Variants in SCG5 observed in about 807,000 individuals in gnomAD.
SCG5 encodes the protein neuroendocrine protein 7B2.
A neutral mutation model predicts 25.7 loss-of-function variants in SCG5; 18 were observed. That is an observed-to-expected ratio of 0.70 (90% CI 0.48 to 1.04). The LOEUF is 1.04. SCG5 is among the 50% of genes least tolerant of loss of function. SCG5 has a pLI of 0.00. For synonymous variants in SCG5, 101 were observed against 91.7 expected, an observed-to-expected ratio of 1.10 and a Z score of -0.58; for missense variants, 206 against 259.8, an observed-to-expected ratio of 0.79 and a Z score of 1.42.
intron 2 of SCG5, chr15:32,656,030 T>C (rs1194572064): frequency 6.6e-6 from 1 of 152,204 alleles, no homozygotes; most frequent in Non-Finnish European, 1.5e-5. Flanking sequence ...ATGGGGGTGT[T>C]GGACATGGAG....
At chr15:32,650,418 A>G (rs928253160) in intron 2 of SCG5, among the ~76,000 whole-genome samples, 2 of 152,124 alleles carry the variant, frequency 1.3e-5, no homozygotes, top group Non-Finnish European at 2.9e-5. Context: ...CTTATTTTTG[A>G]TTACTCATCA....
intron 3 of SCG5, among the ~76,000 whole-genome samples, chr15:32,681,680 G>T (rs2140575625): frequency 6.6e-6 from 1 of 151,932 alleles, no homozygotes; most frequent in Non-Finnish European, 1.5e-5. Context: ...AAACTTCAGA[G>T]CTCAAACGAT....
Position 32,679,872 on chromosome 15 carries a change from G to A in SCG5, c.333G>A (p.Gln111=). 1 of 1,613,940 alleles carries A rather than the reference G, an allele frequency of 6.2e-7. No individual in the cohort carries two copies. Among genetic ancestry groups the A allele is most frequent in the Non-Finnish European group, 8.5e-7 (1 of 1,179,860 alleles). ...TTCCTAAGGACTTTAGTGAGGATCA[G>A]GGGTACCCAGACCCTCCAAATCCCT... ...DNIPKDFSED[Q]GYPDPPNPCP... The change falls in exon 3 of 6, where the codon CAG becomes CAA. Residue 111 remains glutamine, a synonymous_variant. Coordinates refer to ENST00000300175, the MANE Select transcript of SCG5 (RefSeq NM_001144757.3).
At chr15:32,668,513 C>A (rs908345785) in intron 2 of SCG5, among the ~76,000 whole-genome samples, 1 of 152,206 alleles carries the variant, frequency 6.6e-6, no homozygotes, top group Non-Finnish European at 1.5e-5. Context: ...TAGGACCACT[C>A]CCCTGGCCAG....
intron 2 of SCG5, among the ~76,000 whole-genome samples, chr15:32,663,032 AATATAT>A (rs67571496): frequency 0.013 from 1,066 of 79,054 alleles, 13 homozygotes; most frequent in Middle Eastern, 0.026. Context: ...AAAAAAAAAG[AATATAT>A]ATATATATAT....
chr15:32,662,510 T>G (rs1389349146), intron 2 of SCG5, among the ~76,000 whole-genome samples: 1 of 151,778 alleles, frequency 6.6e-6, no homozygotes, highest in African/African-American at 2.4e-5. Flanking sequence ...TCTGAAATAT[T>G]TGTTAATACG....
At chr15:32,680,031 A>G in intron 3 of SCG5, 116 bp downstream of exon 3, 3 of 999,418 alleles carry the variant, frequency 3.0e-6, no homozygotes, top group Middle Eastern at 3.2e-4. Context: ...TGATGAGCCC[A>G]TGTGTATTTG....
rs1567076373 is a variant in SCG5 at position 32,663,055 on chromosome 15, ATATATATATATATATATATATAT to A, written c.227-16710_227-16688del. On this transcript the variant is annotated intron_variant, in intron 2 of 5. Transcript: ENST00000300175. ...AGAATATATATATATATATATATAT[ATATATATATATATATATATATAT>A]AATATATAATATGTTATATATACAC... is the stretch of plus-strand genomic sequence containing the variant. 6.6e-4 allele frequency among the ~76,000 whole-genome samples: 38 copies of A among 57,850 alleles called. 2 individuals are homozygous for A. The highest frequency in any genetic ancestry group is 2.7e-3 in the African/African-American group (32 of 12,072). The allele number at this position is 57,850 out of a possible 152,430, so 38.0% of individuals were successfully genotyped here. A position where few individuals can be genotyped will look rare whatever the true frequency, so the allele number is the denominator to read the frequency against.
intron 4 of SCG5, among the ~76,000 whole-genome samples, chr15:32,686,564 G>A (rs764234209): frequency 1.3e-5 from 2 of 152,160 alleles, no homozygotes; most frequent in Non-Finnish European, 2.9e-5. Flanking sequence ...AGAAAGAAAA[G>A]AGAGGAATAG....
chr15:32,695,011 C>CTTT (rs10718630), intron 5 of SCG5, among the ~76,000 whole-genome samples: 4 of 123,676 alleles, frequency 3.2e-5, no homozygotes, highest in Admixed American at 7.8e-5. Flanking sequence ...TTCTTTCTTT[C>CTTT]TTTTTTTTTT....
At chr15:32,666,804 T>G (rs929462860) in intron 2 of SCG5, among the ~76,000 whole-genome samples, 1 of 152,240 alleles carries the variant, frequency 6.6e-6, no homozygotes, top group East Asian at 1.9e-4. Context: ...GTTTTACAGA[T>G]GAGGTCATAC....
chr15:32,674,854 C>T (rs1282002298), intron 2 of SCG5, among the ~76,000 whole-genome samples: 1 of 152,248 alleles, frequency 6.6e-6, no homozygotes, highest in Non-Finnish European at 1.5e-5. Flanking sequence ...AGGATGCGGT[C>T]AAAAGATTGG....
At position 32,692,210 on chromosome 15, in the gene SCG5, C is replaced by T. The variant is rs149330067; in HGVS notation, c.543+447C>T. ...TCCAGGAAATAACTTTGAAGGAATTCGGGAGCAAAAGATGAGATGAACAAA... is the reference window on the plus strand; with the variant it reads ...TCCAGGAAATAACTTTGAAGGAATTTGGGAGCAAAAGATGAGATGAACAAA... On this transcript the variant is annotated intron_variant, in intron 5 of 5. Transcript: ENST00000300175. The T allele has an allele frequency of 2.3e-4, 226 of 999,570 alleles. No individual in the cohort carries two copies. The African/African-American group carries it at 3.5e-3, about 16-fold the overall frequency. 61.9% of individuals were successfully genotyped at this position (999,570 alleles called of 1,614,324 possible). A position where few individuals can be genotyped will look rare whatever the true frequency, so the allele number is the denominator to read the frequency against.
intron 2 of SCG5, among the ~76,000 whole-genome samples, chr15:32,675,818 C>T (rs2140562003): frequency 6.6e-6 from 1 of 152,294 alleles, no homozygotes. Context: ...GAGAGCAGAG[C>T]CTACATTTAT....
At chr15:32,653,017 G>C (rs1211000301) in intron 2 of SCG5, among the ~76,000 whole-genome samples, 1 of 152,124 alleles carries the variant, frequency 6.6e-6, no homozygotes, top group Non-Finnish European at 1.5e-5. Flanking sequence ...ATCTTAATAG[G>C]GTGTTGGGGA....
intron 2 of SCG5, 103 bp from the exon 3 acceptor site, chr15:32,679,663 A>G (rs1272037891): frequency 7.8e-7 from 1 of 1,275,536 alleles, no homozygotes; most frequent in Non-Finnish European, 1.1e-6. Flanking sequence ...TTCTCTCCCC[A>G]CAGCAGAAGG....
intron 2 of SCG5, among the ~76,000 whole-genome samples, chr15:32,672,586 A>G (rs2054449386): frequency 6.6e-6 from 1 of 152,036 alleles, no homozygotes; most frequent in Admixed American, 6.6e-5. Context: ...CCTGGAAACT[A>G]TGAGAGACCC....
chr15:32,654,365 T>C (rs56182545), intron 2 of SCG5, among the ~76,000 whole-genome samples: 21,817 of 152,182 alleles, frequency 0.14, 1,738 homozygotes, highest in Middle Eastern at 0.19. Context: ...GGGGCTTCTT[T>C]TATTACCATC....
At chr15:32,671,823 C>G (rs1417029548) in intron 2 of SCG5, among the ~76,000 whole-genome samples, 2 of 152,060 alleles carry the variant, frequency 1.3e-5, no homozygotes, top group East Asian at 1.9e-4. Context: ...CTCAGGGAGT[C>G]CCAGGCTGTT....
Sources: allele counts gnomAD v4.1 joint callset (sites outside exome capture counted in the v4.1 genomes callset), GRCh38; gene constraint gnomAD v4.1.1; transcripts MANE v1.5; gene names NCBI Gene and HGNC (gene_info 2026-07-23, HGNC 2026-07-21).